Variants in RANBP17 observed in about 807,000 individuals in gnomAD.
The protein encoded by RANBP17 is ran-binding protein 17.
RANBP17 carries 158 observed loss-of-function variants against 141.2 expected under a neutral mutation model. The observed-to-expected ratio is 1.12, with a 90% confidence interval of 0.98 to 1.28. The LOEUF is 1.28. Among genes scored for constraint, RANBP17 ranks in the 50% most tolerant of loss-of-function variants. The pLI is 0.00. For synonymous variants in RANBP17, 430 were observed against 450.0 expected (o/e 0.96, Z 0.56); for missense variants, 1,438 against 1,290.7 (o/e 1.11, Z -1.75).
intron 21 of RANBP17, 47 bp downstream of exon 21, chr5:171,213,785 A>G (rs377266296): frequency 2.3e-5 from 31 of 1,354,498 alleles, no homozygotes; most frequent in Non-Finnish European, 3.0e-5. Flanking sequence ...CTATTAGCGG[A>G]AATCTCCAAC....
intron 14 of RANBP17, among the ~76,000 whole-genome samples, chr5:171,052,868 T>C: frequency 6.6e-6 from 1 of 152,220 alleles, no homozygotes; most frequent in East Asian, 1.9e-4. Flanking sequence ...CTTTCTTTTT[T>C]TGAGATGGAG....
At chr5:171,035,799 G>A (rs1781844908) in intron 14 of RANBP17, among the ~76,000 whole-genome samples, 1 of 148,548 alleles carries the variant, frequency 6.7e-6, no homozygotes, top group Admixed American at 6.7e-5. Flanking sequence ...TATGTGTGCA[G>A]GTTTGTTCCA....
chr5:171,230,317 T>A (rs1024100684), intron 22 of RANBP17, among the ~76,000 whole-genome samples: 3 of 152,032 alleles, frequency 2.0e-5, no homozygotes, highest in African/African-American at 7.2e-5. Flanking sequence ...GAGAATAGAT[T>A]TTACAAAGCA....
intron 14 of RANBP17, among the ~76,000 whole-genome samples, chr5:171,067,004 A>G (rs539533516): frequency 5.6e-4 from 85 of 152,150 alleles, no homozygotes; most frequent in Non-Finnish European, 1.1e-3. Context: ...TTACATTAAA[A>G]ATATAGGTTA....
At chr5:171,080,212 A>G (rs1043984451) in intron 14 of RANBP17, among the ~76,000 whole-genome samples, 3 of 150,434 alleles carry the variant, frequency 2.0e-5, no homozygotes, top group Middle Eastern at 3.4e-3. Context: ...GGGCGATACT[A>G]GTGATATATT....
chr5:171,062,415 A>G (rs1337533541), intron 14 of RANBP17, among the ~76,000 whole-genome samples: 1 of 152,094 alleles, frequency 6.6e-6, no homozygotes, highest in Non-Finnish European at 1.5e-5. Context: ...TCCTTCACTT[A>G]TGAAGCTTAG....
Position 171,170,142 on chromosome 5 carries a change from A to G in RANBP17, c.1723A>G (p.Met575Val), listed in dbSNP as rs914422247. 7.6e-6 allele frequency: 12 copies of G among 1,574,212 alleles called. No homozygotes were observed. The highest frequency in any genetic ancestry group is 1.0e-5 in the Non-Finnish European group (12 of 1,153,938). ...TGTTTTAATGCAGGTATATGCTCGT[A>G]TGTCAGAAGTCTTAGGAATAACAGA... ...LQRTSKVYAR[M>V]SEVLGITDDN... is the part of the protein sequence containing the mutation. The change falls in exon 15 of 28, where the codon ATG (methionine) becomes GTG (valine). Residue 575 changes from methionine (M) to valine (V), a missense_variant. Transcript: ENST00000523189.
chr5:171,139,963 C>G (rs747268253), intron 14 of RANBP17, among the ~76,000 whole-genome samples: 8 of 152,184 alleles, frequency 5.3e-5, no homozygotes, highest in Non-Finnish European at 1.2e-4. Flanking sequence ...GCCCACTGGT[C>G]TTCTTTAAGA....
rs1780381284 is a variant in RANBP17 at position 171,015,740 on chromosome 5, A to G, written c.1710+47363A>G. On this transcript the variant is annotated intron_variant, in intron 14 of 27. Coordinates refer to ENST00000523189, the MANE Select transcript of RANBP17 (RefSeq NM_022897.5). ...GTGTTTCTTTCAGATCTTGCTTTTAAACTTTATTATGCGAAACTAGAAAAG... is the reference window on the plus strand; with the variant it reads ...GTGTTTCTTTCAGATCTTGCTTTTAGACTTTATTATGCGAAACTAGAAAAG... 2.0e-5 allele frequency among the ~76,000 whole-genome samples: 3 copies of G among 152,054 alleles called. No homozygotes were observed. The South Asian group carries it at 6.2e-4, about 32-fold the overall frequency.
chr5:170,965,494 A>G (rs1479889747), intron 13 of RANBP17, among the ~76,000 whole-genome samples: 3 of 152,184 alleles, frequency 2.0e-5, no homozygotes, highest in African/African-American at 4.8e-5. Flanking sequence ...TCTGAATGGT[A>G]ATGCCTAGGT....
At chr5:171,242,478 TA>T (rs899098006) in intron 23 of RANBP17, among the ~76,000 whole-genome samples, 11 of 152,352 alleles carry the variant, frequency 7.2e-5, no homozygotes, top group African/African-American at 2.6e-4. Flanking sequence ...GCTAACCATA[TA>T]AGGTAAAGAG....
intron 1 of RANBP17, among the ~76,000 whole-genome samples, chr5:170,875,636 C>G (rs1768114623): frequency 6.6e-6 from 1 of 152,084 alleles, no homozygotes; most frequent in African/African-American, 2.4e-5. Flanking sequence ...AGTTCTCGTG[C>G]TGTGTTTTTC....
chr5:170,910,505 T>G (rs1771441643), intron 6 of RANBP17: 1 of 156,694 alleles, frequency 6.4e-6, no homozygotes, highest in Admixed American at 6.3e-5. Context: ...GTATAACCAG[T>G]TAACCTGTCA....
intron 14 of RANBP17, among the ~76,000 whole-genome samples, chr5:171,105,377 G>C (rs1262890670): frequency 1.5e-5 from 1 of 67,928 alleles, no homozygotes; most frequent in East Asian, 5.4e-4. Context: ...GCGAGACTCC[G>C]TCTCAAAAAA....
chr5:171,264,356 A>G (rs945452335), intron 24 of RANBP17, among the ~76,000 whole-genome samples: 3 of 152,106 alleles, frequency 2.0e-5, no homozygotes, highest in African/African-American at 7.2e-5. Flanking sequence ...GAACTTATTC[A>G]TGTAACCAAA....
intron 14 of RANBP17, among the ~76,000 whole-genome samples, chr5:170,969,175 G>A (rs1009188699): frequency 2.0e-5 from 3 of 151,728 alleles, no homozygotes; most frequent in African/African-American, 7.3e-5. Context: ...GTGTAGTAGT[G>A]TGAAAAAATT....
chr5:170,950,705 A>G (rs1345158758), intron 12 of RANBP17, among the ~76,000 whole-genome samples: 3 of 152,170 alleles, frequency 2.0e-5, no homozygotes, highest in Non-Finnish European at 4.4e-5. Flanking sequence ...GAACTACCGT[A>G]TTGTCCAGCA....
chr5:170,950,259 G>T (rs1775099866), intron 12 of RANBP17, among the ~76,000 whole-genome samples: 1 of 151,958 alleles, frequency 6.6e-6, no homozygotes, highest in Non-Finnish European at 1.5e-5. Flanking sequence ...AAGCTAAAAA[G>T]CCCCTTCACA....
chr5:171,224,242 G>A (rs561472402), intron 22 of RANBP17, among the ~76,000 whole-genome samples: 1 of 152,208 alleles, frequency 6.6e-6, no homozygotes, highest in South Asian at 2.1e-4. Flanking sequence ...TTATTTAAAG[G>A]AAATAAACAG....
Sources: allele counts gnomAD v4.1 joint callset (sites outside exome capture counted in the v4.1 genomes callset), GRCh38; gene constraint gnomAD v4.1.1; transcripts MANE v1.5; gene names NCBI Gene and HGNC (gene_info 2026-07-23, HGNC 2026-07-21).